RAB40B: variants seen among roughly 807,000 people sequenced by gnomAD.
The protein encoded by RAB40B is RAB40B, member RAS oncogene family, also known as ras-related protein Rab-40B.
RAB40B carries 21 observed loss-of-function variants against 24.0 expected under a neutral mutation model. The observed-to-expected ratio is 0.88, with a 90% CI of 0.62 to 1.26. RAB40B has a LOEUF of 1.26. Ranked by LOEUF, RAB40B falls within the 50% of genes most tolerant of loss-of-function variation. The pLI, the probability that RAB40B is intolerant of heterozygous loss-of-function variation, is 0.00. For missense variants in RAB40B, 348 were observed against 390.5 expected (o/e 0.89, Z 0.92); for synonymous variants, 167 against 169.8 (o/e 0.98, Z 0.13).
intron 1 of RAB40B, among the ~76,000 whole-genome samples, chr17:82,689,792 C>A (rs1320645040): frequency 1.3e-5 from 2 of 151,924 alleles, no homozygotes; most frequent in Non-Finnish European, 1.5e-5. Context: ...GATGGTGAAA[C>A]CCCGTCTCCA....
At chr17:82,662,054 G>C (rs189853239) in intron 2 of RAB40B, 2 of 985,426 alleles carry the variant, frequency 2.0e-6, no homozygotes, top group East Asian at 1.1e-4. Context: ...AGTGGGCCAG[G>C]GGCTGGCCCC....
Position 82,659,644 on chromosome 17 carries a change from A to G in RAB40B, c.278T>C (p.Val93Ala). The G allele has an allele frequency of 6.2e-7, 1 of 1,614,114 alleles. No homozygotes were observed. Among genetic ancestry groups the G allele is most frequent in the Non-Finnish European group, 8.5e-7 (1 of 1,180,012 alleles). Residue 93 changes from valine (V) to alanine (A), a missense_variant, in exon 4 of 6, where the codon GTC becomes GCC. Transcript: ENST00000571995. ...YSRGAQGVIL[V>A]YDIANRWSFD... ...AGACCAGCGGTTCGCAATGTCATAGACCAGGATCACACCCTGGGGGAGAGG... is the reference window on the plus strand; with the variant it reads ...AGACCAGCGGTTCGCAATGTCATAGGCCAGGATCACACCCTGGGGGAGAGG...
Position 82,659,669 on chromosome 17 carries a change from G to A in RAB40B, c.265-12C>T. 6.2e-7 allele frequency: 1 copy of A among 1,613,476 alleles called. No homozygotes were observed. Among genetic ancestry groups the A allele is most frequent in the Non-Finnish European group, 8.5e-7 (1 of 1,179,382 alleles). Reference sequence around the variant, plus strand: ...ACCAGGATCACACCCTGGGGGAGAGGTCACAGGCTCAGCACGCAGAACACA... The same window carrying A: ...ACCAGGATCACACCCTGGGGGAGAGATCACAGGCTCAGCACGCAGAACACA... On this transcript the variant is annotated splice_polypyrimidine_tract_variant and intron_variant, in intron 3 of 5. Transcript: ENST00000571995.
Position 82,675,030 on chromosome 17 carries a change from C to G in RAB40B, c.143-10474G>C, listed in dbSNP as rs978523167. Among the ~76,000 whole-genome samples the G allele has an allele frequency of 6.6e-6, 1 of 152,076 alleles. No homozygotes were observed. Among genetic ancestry groups the G allele is most frequent in the Non-Finnish European group, 1.5e-5 (1 of 68,008 alleles). Reference sequence around the variant, plus strand: ...TTTTGAGTTAATTTTCTTGTTTGCACCAAAATGTCTGGTAGAAAACCCACA... The same window carrying G: ...TTTTGAGTTAATTTTCTTGTTTGCAGCAAAATGTCTGGTAGAAAACCCACA... On this transcript the variant is annotated intron_variant, in intron 1 of 5. Transcript: ENST00000571995. This position sits in a 1 kb window ranked among gnomAD's most constrained non-coding sequence, Gnocchi z 4.5.
rs185500374 is a variant in RAB40B at position 82,665,932 on chromosome 17, C to A, written c.143-1376G>T. ...AAAAAAAACTACACTTAAAAAAAAT[C>A]TTTTTTGAGACAGGGTCTCCCCCTC... On this transcript the variant is annotated intron_variant, in intron 1 of 5. Transcript: ENST00000571995. Among the ~76,000 whole-genome samples, 803 of 151,300 alleles carry A rather than the reference C, an allele frequency of 5.3e-3. 3 individuals are homozygous for A. The highest frequency in any genetic ancestry group is 8.4e-3 in the Non-Finnish European group (568 of 67,798).
chr17:82,664,352 G>A, intron 2 of RAB40B, 144 bp downstream of exon 2: 1 of 753,986 alleles, frequency 1.3e-6, no homozygotes, highest in East Asian at 2.6e-5. Flanking sequence ...GACGGTGGTG[G>A]TGGGAGGGTG....
chr17:82,685,889 C>T (rs975081137), intron 1 of RAB40B, among the ~76,000 whole-genome samples: 3 of 151,864 alleles, frequency 2.0e-5, no homozygotes, highest in African/African-American at 7.3e-5. Flanking sequence ...CTGCAACCTC[C>T]ACCTCCTGGA....
chr17:82,680,639 T>C (rs1218052576), intron 1 of RAB40B, among the ~76,000 whole-genome samples: 1 of 152,244 alleles, frequency 6.6e-6, no homozygotes, highest in Non-Finnish European at 1.5e-5. Context: ...TTTATGTATA[T>C]ATATGATTTT....
At chr17:82,660,066 C>G (rs1391475562) in intron 3 of RAB40B, among the ~76,000 whole-genome samples, 1 of 152,176 alleles carries the variant, frequency 6.6e-6, no homozygotes, top group African/African-American at 2.4e-5. Context: ...TACCTGCACA[C>G]ATGTTGCATA....
intron 2 of RAB40B, 137 bp from the exon 3 acceptor site, chr17:82,661,184 A>G (rs2046167490): frequency 2.4e-5 from 35 of 1,463,892 alleles, no homozygotes; most frequent in Non-Finnish European, 3.2e-5. Context: ...TGAGACCCCA[A>G]CAAAACTTTC....
chr17:82,672,781 G>A (rs1022464335), intron 1 of RAB40B, among the ~76,000 whole-genome samples: 1 of 152,324 alleles, frequency 6.6e-6, no homozygotes, highest in South Asian at 2.1e-4. Context: ...AAATTACCCA[G>A]TTTGTGGTAT....
At chr17:82,666,144 G>A (rs1315659725) in intron 1 of RAB40B, among the ~76,000 whole-genome samples, 2 of 151,956 alleles carry the variant, frequency 1.3e-5, no homozygotes, top group Admixed American at 6.6e-5. Flanking sequence ...GGGCATTGCT[G>A]TGTTGCCCAG....
At chr17:82,695,305 C>CAG (rs2046598001) in intron 1 of RAB40B, among the ~76,000 whole-genome samples, 2 of 151,106 alleles carry the variant, frequency 1.3e-5, no homozygotes, top group East Asian at 3.8e-4. Flanking sequence ...GATTCTCCTG[C>CAG]CTCAGCCTCC....
chr17:82,666,074 GCCA>G (rs1297533618), intron 1 of RAB40B, among the ~76,000 whole-genome samples: 3 of 151,272 alleles, frequency 2.0e-5, no homozygotes, highest in African/African-American at 4.9e-5. Context: ...CACCGCACCT[GCCA>G]CCACACCTGC....
At chr17:82,696,606 T>C (rs9914583) in intron 1 of RAB40B, 1,823 of 150,318 alleles carry the variant, frequency 0.012, 19 homozygotes, top group African/African-American at 0.046. Context: ...AGGCGCTCAA[T>C]CTCCAGCCCT....
At chr17:82,662,406 C>T (rs1306041665) in intron 2 of RAB40B, 1 of 985,310 alleles carries the variant, frequency 1.0e-6, no homozygotes, top group Non-Finnish European at 1.2e-6. Context: ...GTCAGAGTGC[C>T]CCATCGTGAA....
chr17:82,693,825 G>A (rs563414347), intron 1 of RAB40B, among the ~76,000 whole-genome samples: 1 of 152,090 alleles, frequency 6.6e-6, no homozygotes, highest in African/African-American at 2.4e-5. Context: ...GCTCACGCCT[G>A]TAATTCCAGC....
chr17:82,659,000 C>T (rs2046126171), intron 4 of RAB40B: 1 of 393,182 alleles, frequency 2.5e-6, no homozygotes, highest in Non-Finnish European at 4.6e-6. Context: ...GCGGTGCAGC[C>T]ACAAGCCAGG....
intron 1 of RAB40B, among the ~76,000 whole-genome samples, chr17:82,678,945 C>G (rs1012081051): frequency 1.4e-5 from 2 of 141,892 alleles, no homozygotes; most frequent in African/African-American, 5.2e-5. Flanking sequence ...TGCAGTGGCG[C>G]CATCTCGGCT....
Sources: gnomAD v4.1 joint callset for allele counts (sites outside exome capture counted in the v4.1 genomes callset) on GRCh38, gnomAD v4.1.1 for gene constraint, Gnocchi (gnomAD v3.1) non-coding constraint, MANE v1.5 for transcripts, NCBI Gene and HGNC (gene_info 2026-07-23, HGNC 2026-07-21) for gene names.